Variants in CRAMP1 observed in about 807,000 individuals in gnomAD.
CRAMP1 encodes the protein cramped chromatin regulator 1.
CRAMP1 carries 50 observed loss-of-function variants against 115.4 expected under a neutral mutation model. The ratio of observed to expected loss-of-function variants is 0.43; its 90% CI spans 0.35 to 0.55. The LOEUF is 0.55. Among genes scored for constraint, CRAMP1 ranks in the 20% least tolerant of loss-of-function variants. The probability of loss-of-function intolerance (pLI) is 0.01; values close to 1 mark genes in which losing one functional copy is unlikely to be tolerated. For missense variants in CRAMP1, 1,679 were observed against 1,721.7 expected (o/e 0.98, Z 0.44); for synonymous variants, 866 against 745.4 (o/e 1.16, Z -2.64).
rs748577178 is a variant in CRAMP1 at position 1,656,882 on chromosome 16, G to A, written c.2125G>A (p.Gly709Arg). Residue 709 changes from glycine to arginine, a missense_variant, in exon 10 of 21, where the codon GGG becomes AGG. Coordinates refer to ENST00000397412, the MANE Select transcript of CRAMP1 (RefSeq NM_020825.4). The surrounding 1 kb of genome is among the most constrained non-coding windows in gnomAD (Gnocchi z 5.6). ...GCTGCAGCTGGAGTACGACTGGCTG[G>A]GGCCCGGCCGCCAGGACCCCCGCCC... ...SKLQLEYDWL[G>R]PGRQDPRPGS... 6.4e-7 allele frequency: 1 copy of A among 1,550,944 alleles called. No individual in the cohort carries two copies. The highest frequency in any genetic ancestry group is 2.0e-5 in the Admixed American group (1 of 51,082).
At chr16:1,638,941 C>T (rs969361287) in intron 5 of CRAMP1, among the ~76,000 whole-genome samples, 6 of 151,994 alleles carry the variant, frequency 3.9e-5, no homozygotes, top group African/African-American at 1.5e-4. Context: ...AGCCACTCCT[C>T]TTACCTCCTC....
At chr16:1,659,324 G>A (rs1365299628) in intron 10 of CRAMP1, among the ~76,000 whole-genome samples, 1 of 152,172 alleles carries the variant, frequency 6.6e-6, no homozygotes, top group Non-Finnish European at 1.5e-5. Flanking sequence ...AAAGGTACTT[G>A]TGAGGAAGGG....
chr16:1,654,577 C>T (rs961593522), intron 8 of CRAMP1, among the ~76,000 whole-genome samples: 10 of 152,312 alleles, frequency 6.6e-5, no homozygotes, highest in Middle Eastern at 3.4e-3. Flanking sequence ...CTGTGGCCAC[C>T]GTCTCTGTCC....
intron 11 of CRAMP1, among the ~76,000 whole-genome samples, chr16:1,660,677 A>T (rs541748326): frequency 2.6e-5 from 4 of 152,356 alleles, no homozygotes; most frequent in African/African-American, 9.6e-5. Context: ...AGCAGAGATT[A>T]TCATGGTTAG....
chr16:1,654,755 AG>A (rs2036754986), intron 8 of CRAMP1, among the ~76,000 whole-genome samples: 1 of 152,366 alleles, frequency 6.6e-6, no homozygotes, highest in Admixed American at 6.5e-5. Context: ...TCACACGCAG[AG>A]GCCTCCGGGC....
chr16:1,613,611 G>A (rs1367493545), intron 1 of CRAMP1, among the ~76,000 whole-genome samples: 1 of 152,202 alleles, frequency 6.6e-6, no homozygotes, highest in African/African-American at 2.4e-5. Flanking sequence ...TTATTTTTGA[G>A]TGGCTCTGCT....
rs1163162848 is a variant in CRAMP1, at chr16:1,670,957, C to T, written c.3645+148C>T. The T allele has an allele frequency of 1.2e-5, 9 of 720,862 alleles. No individual in the cohort carries two copies. In the Admixed American group the frequency reaches 2.2e-4, roughly 17 times the overall value. The allele number at this position is 720,862 out of a possible 1,614,324, so 44.7% of individuals were successfully genotyped here. ...AGCACGTCCACACTCAGGTCCCTGA[C>T]TACTGAGAATGGAGAGATCTGGGGA... On this transcript the variant is annotated intron_variant, in intron 20 of 20. Coordinates refer to ENST00000397412, the MANE Select transcript of CRAMP1 (RefSeq NM_020825.4).
intron 2 of CRAMP1, chr16:1,625,546 T>C (rs180728269): frequency 6.4e-6 from 1 of 155,848 alleles, no homozygotes; most frequent in African/African-American, 2.4e-5. Flanking sequence ...TTTCCTTGAG[T>C]TTGAATCTCA....
At position 1,676,710 on chromosome 16, in the gene CRAMP1, A is replaced by C. The variant is rs2036971448; in HGVS notation, c.*2665A>C. 2 of 152,216 alleles carry C rather than the reference A, an allele frequency of 1.3e-5. No homozygotes were observed. The highest frequency in any genetic ancestry group is 2.9e-5 in the Non-Finnish European group (2 of 68,036). 9.4% of individuals were successfully genotyped at this position (152,216 alleles called of 1,614,324 possible). ...TCGTCTTTTCTGGAGATTGGGACAG[A>C]GCATCTGTGGTCCAGGGAAGTTAGT... On this transcript the variant is annotated 3_prime_UTR_variant, in exon 21 of 21. Transcript: ENST00000397412.
chr16:1,613,565 G>T (rs1387716392), intron 1 of CRAMP1, among the ~76,000 whole-genome samples: 1 of 152,126 alleles, frequency 6.6e-6, no homozygotes, highest in Non-Finnish European at 1.5e-5. Context: ...ACTGTTTCTG[G>T]GCTGCAGCTC....
chr16:1,670,800 C>T lies in CRAMP1; in HGVS notation c.3636C>T (p.Asp1212=), dbSNP rs1225177042. The T allele has an allele frequency of 6.2e-6, 10 of 1,613,806 alleles. No homozygotes were observed. Among genetic ancestry groups the T allele is most frequent in the African/African-American group, 4.0e-5 (3 of 74,910 alleles). Residue 1212 remains aspartate, a synonymous_variant, in exon 20 of 21, where the codon GAC becomes GAT. Coordinates refer to ENST00000397412, the MANE Select transcript of CRAMP1 (RefSeq NM_020825.4). The part of the protein sequence containing the change: ...RDSFVSRSLA[D]VAEVVDSQLV... ...CATTTGTGTCCAGGTCCCTGGCTGA[C>T]GTTGCAGAGGTGAGTGCATTGACCT...
intron 2 of CRAMP1, among the ~76,000 whole-genome samples, chr16:1,618,740 T>C (rs1404266731): frequency 6.6e-6 from 1 of 152,212 alleles, no homozygotes; most frequent in Non-Finnish European, 1.5e-5. Flanking sequence ...CATAAGAGAT[T>C]GTACCTGTAG....
chr16:1,617,873 G>A (rs1327351036), intron 2 of CRAMP1, among the ~76,000 whole-genome samples: 1 of 152,162 alleles, frequency 6.6e-6, no homozygotes, highest in East Asian at 1.9e-4. Flanking sequence ...GTGCCTGTTT[G>A]CCAGGCATCT....
At position 1,656,185 on chromosome 16, in the gene CRAMP1, C is replaced by T; in HGVS notation, c.1428C>T (p.Pro476=). The change falls in exon 10 of 21, where the codon CCC becomes CCT. Residue 476 remains proline, a synonymous_variant. Coordinates refer to ENST00000397412, the MANE Select transcript of CRAMP1 (RefSeq NM_020825.4). The surrounding 1 kb of genome is among the most constrained non-coding windows in gnomAD (Gnocchi z 5.6). The part of the protein sequence containing the change: ...SGAEGKGVGR[P]PPAADALQSS... The stretch of plus-strand genomic sequence containing the variant: ...CTGAGGGCAAGGGTGTGGGGCGGCC[C>T]CCTCCTGCGGCTGACGCCTTGCAGA... 3.7e-6 allele frequency: 6 copies of T among 1,602,144 alleles called. No homozygotes were observed. The highest frequency in any genetic ancestry group is 5.1e-6 in the Non-Finnish European group (6 of 1,174,910).
In CRAMP1 at chr16:1,673,872, T is replaced by C. The variant is rs374382272; in HGVS notation, c.3646-9T>C. 5.0e-6 allele frequency: 8 copies of C among 1,613,730 alleles called. No individual in the cohort carries two copies. The highest frequency in any genetic ancestry group is 6.8e-6 in the Non-Finnish European group (8 of 1,179,774). On this transcript the variant is annotated splice_polypyrimidine_tract_variant and intron_variant, in intron 20 of 20. Transcript: ENST00000397412. ...GGTGACTTGTTCTTCCTGTCTCCTC[T>C]TCCTGCAGGTTGTGGATTCCCAGCT...
intron 4 of CRAMP1, among the ~76,000 whole-genome samples, chr16:1,637,459 T>A (rs1253059363): frequency 6.6e-6 from 1 of 152,188 alleles, no homozygotes; most frequent in African/African-American, 2.4e-5. Flanking sequence ...GCATCCAGGT[T>A]TCAGGGCTGC....
At chr16:1,661,117 G>T (rs577816523) in intron 11 of CRAMP1, among the ~76,000 whole-genome samples, 1 of 152,134 alleles carries the variant, frequency 6.6e-6, no homozygotes, top group East Asian at 1.9e-4. Context: ...ATCACTTGAG[G>T]CCAGCCTGGG....
intron 10 of CRAMP1, among the ~76,000 whole-genome samples, chr16:1,659,375 T>C (rs1252727110): frequency 6.6e-6 from 1 of 151,964 alleles, no homozygotes; most frequent in African/African-American, 2.4e-5. Context: ...CTTTTATTGA[T>C]TGATTGATTG....
At chr16:1,621,318 G>C (rs1301784948) in intron 2 of CRAMP1, among the ~76,000 whole-genome samples, 1 of 152,222 alleles carries the variant, frequency 6.6e-6, no homozygotes, top group African/African-American at 2.4e-5. Flanking sequence ...GGGTGCGCTG[G>C]GGCCACATGG....
Sources: allele counts gnomAD v4.1 joint callset (sites outside exome capture counted in the v4.1 genomes callset), GRCh38; gene constraint gnomAD v4.1.1; non-coding constraint Gnocchi (gnomAD v3.1); transcripts MANE v1.5; gene names NCBI Gene and HGNC (gene_info 2026-07-23, HGNC 2026-07-21).